KATNAL2: variants seen among roughly 807,000 people sequenced by gnomAD.
The protein encoded by KATNAL2 is katanin p60 ATPase-containing subunit A-like 2.
A neutral mutation model predicts 76.3 loss-of-function variants in KATNAL2; 52 were observed. The ratio of observed to expected loss-of-function variants is 0.68; its 90% confidence interval spans 0.55 to 0.86. KATNAL2 has a LOEUF of 0.86. Among genes scored for constraint, KATNAL2 ranks in the 40% least tolerant of loss-of-function variants. KATNAL2 has a pLI of 0.00. For missense variants in KATNAL2, 660 were observed against 668.9 expected, an observed-to-expected ratio of 0.99 and a Z score of 0.15; for synonymous variants, 243 against 244.2, an observed-to-expected ratio of 1.00 and a Z score of 0.05.
chr18:47,080,565 G>C (rs1423672621), intron 15 of KATNAL2, among the ~76,000 whole-genome samples: 1 of 152,094 alleles, frequency 6.6e-6, no homozygotes, highest in East Asian at 1.9e-4. Flanking sequence ...GAATTATTGG[G>C]TCATACGGCC....
intron 15 of KATNAL2, among the ~76,000 whole-genome samples, chr18:47,096,911 G>T (rs538302679): frequency 6.6e-6 from 1 of 152,064 alleles, no homozygotes; most frequent in African/African-American, 2.4e-5. Context: ...GCTGAGGCGG[G>T]TGGACTGCTT....
chr18:46,928,993 T>A (rs939068441), intron 1 of KATNAL2, among the ~76,000 whole-genome samples: 1 of 152,076 alleles, frequency 6.6e-6, no homozygotes. Flanking sequence ...GAGACGGGTT[T>A]TCACCATTTG....
chr18:47,037,880 T>A lies in KATNAL2; in HGVS notation c.52-8577T>A, dbSNP rs886489314. On this transcript the variant is annotated intron_variant, in intron 3 of 17. Coordinates refer to ENST00000683218, the MANE Select transcript of KATNAL2 (RefSeq NM_001387690.1). ...TTTTTTTTTATTAGAGATGGGAGTC[T>A]CCCTATGTTGCCCAGGCTGCTCTCA... Among the ~76,000 whole-genome samples the A allele has an allele frequency of 2.0e-5, 3 of 151,786 alleles. No individual in the cohort carries two copies. In the East Asian group the frequency reaches 5.8e-4, roughly 29 times the overall value.
chr18:46,955,170 C>CTTTCTTTCTTTCTTTCT (rs2059701614), intron 3 of KATNAL2, among the ~76,000 whole-genome samples: 1 of 133,648 alleles, frequency 7.5e-6, no homozygotes, highest in African/African-American at 2.8e-5. Context: ...TTCTTTCTTT[C>CTTTCTTTCTTTCTTTCT]TTTCTTTCTT....
intron 10 of KATNAL2, among the ~76,000 whole-genome samples, chr18:47,065,862 G>A (rs2061775181): frequency 6.6e-6 from 1 of 152,106 alleles, no homozygotes; most frequent in Admixed American, 6.6e-5. Context: ...CTCCTTGGGA[G>A]GCTGAGGTGG....
At chr18:47,092,228 G>A (rs1053422611) in intron 15 of KATNAL2, among the ~76,000 whole-genome samples, 2 of 152,198 alleles carry the variant, frequency 1.3e-5, no homozygotes, top group African/African-American at 4.8e-5. Context: ...GCCGAGTGCA[G>A]TGGATCACGC....
chr18:47,034,541 C>A, intron 3 of KATNAL2: 1 of 1,614,244 alleles, frequency 6.2e-7, no homozygotes, highest in Non-Finnish European at 8.5e-7. Flanking sequence ...GAGTGCCAAT[C>A]TCCCTGGGCA....
intron 14 of KATNAL2, among the ~76,000 whole-genome samples, chr18:47,075,741 GC>G (rs1387300969): frequency 6.6e-6 from 1 of 152,154 alleles, no homozygotes; most frequent in Non-Finnish European, 1.5e-5. Context: ...AATGAGTCTT[GC>G]CCACTCAGCC....
chr18:46,955,140 C>CTCTCCTTTCTTTCTTTCTT (rs1555834717), intron 3 of KATNAL2, among the ~76,000 whole-genome samples: 1 of 85,020 alleles, frequency 1.2e-5, no homozygotes, highest in Non-Finnish European at 2.3e-5. Context: ...CTTTCTCTCT[C>CTCTCCTTTCTTTCTTTCTT]TCTTTCTTTC....
chr18:47,085,043 C>T (rs763076099), intron 15 of KATNAL2, among the ~76,000 whole-genome samples: 4 of 151,906 alleles, frequency 2.6e-5, no homozygotes, highest in Non-Finnish European at 5.9e-5. Context: ...ATAATTGCAG[C>T]CCCGGCCCCA....
At chr18:47,037,361 C>T (rs537609401) in intron 3 of KATNAL2, among the ~76,000 whole-genome samples, 1 of 152,082 alleles carries the variant, frequency 6.6e-6, no homozygotes, top group African/African-American at 2.4e-5. Context: ...TGAAAGAAAA[C>T]AAAAACAGCC....
At chr18:46,923,838 T>C (rs550230919) in intron 1 of KATNAL2, among the ~76,000 whole-genome samples, 14 of 152,356 alleles carry the variant, frequency 9.2e-5, no homozygotes, top group African/African-American at 3.4e-4. Flanking sequence ...ATGATGAGCA[T>C]TTTTTCATGT....
chr18:47,070,867 T>C (rs772148041), intron 13 of KATNAL2, among the ~76,000 whole-genome samples: 1 of 152,212 alleles, frequency 6.6e-6, no homozygotes, highest in Non-Finnish European at 1.5e-5. Context: ...TGATATCTTC[T>C]ATTTCTTTGT....
At chr18:47,062,759 T>C (rs2061674592) in intron 8 of KATNAL2, among the ~76,000 whole-genome samples, 1 of 152,232 alleles carries the variant, frequency 6.6e-6, no homozygotes, top group Non-Finnish European at 1.5e-5. Context: ...CAAATCCACT[T>C]CATTCTGGAA....
At chr18:46,930,342 C>G (rs558790672) in intron 1 of KATNAL2, among the ~76,000 whole-genome samples, 27 of 152,224 alleles carry the variant, frequency 1.8e-4, no homozygotes, top group Admixed American at 3.9e-4. Context: ...TTTCAAATAT[C>G]TTCTATTCTC....
chr18:47,043,100 G>A (rs540842530), intron 3 of KATNAL2, among the ~76,000 whole-genome samples: 6 of 152,060 alleles, frequency 3.9e-5, no homozygotes, highest in South Asian at 4.2e-4. Context: ...GGTGGCGGGC[G>A]TCTGTAGTCC....
intron 1 of KATNAL2, among the ~76,000 whole-genome samples, chr18:46,933,643 T>C (rs1208652414): frequency 6.6e-6 from 1 of 152,058 alleles, no homozygotes; most frequent in Admixed American, 6.6e-5. Context: ...TTTTTTAAAA[T>C]TTTATTATTA....
intron 1 of KATNAL2, among the ~76,000 whole-genome samples, chr18:46,922,162 A>G (rs1023902572): frequency 2.0e-5 from 3 of 148,850 alleles, no homozygotes; most frequent in Admixed American, 6.7e-5. Flanking sequence ...GTGCAGTGGC[A>G]TGATCACAGC....
At chr18:47,066,063 G>C (rs1261472221) in intron 10 of KATNAL2, among the ~76,000 whole-genome samples, 1 of 151,638 alleles carries the variant, frequency 6.6e-6, no homozygotes, top group Non-Finnish European at 1.5e-5. Flanking sequence ...GATGGGTGGG[G>C]AGCAGGAGTA....
Sources: gnomAD v4.1 joint callset for allele counts (sites outside exome capture counted in the v4.1 genomes callset) on GRCh38, gnomAD v4.1.1 for gene constraint, MANE v1.5 for transcripts, NCBI Gene and HGNC (gene_info 2026-07-23, HGNC 2026-07-21) for gene names.